The following TSSK4 variants were observed in gnomAD, a reference collection of about 807,000 sequenced individuals.
TSSK4 encodes testis-specific serine/threonine-protein kinase 4.
TSSK4 carries 22 observed loss-of-function variants against 28.5 expected under a neutral mutation model. The ratio of observed to expected loss-of-function variants is 0.77; its 90% CI spans 0.55 to 1.10. The LOEUF (loss-of-function observed/expected upper bound fraction) is 1.10, where lower values mean the gene tolerates loss of function less well. Among genes scored for constraint, TSSK4 ranks in the 50% least tolerant of loss-of-function variants. The probability of loss-of-function intolerance (pLI) is 0.00; values close to 1 mark genes in which losing one functional copy is unlikely to be tolerated. For synonymous variants in TSSK4, 151 were observed against 158.3 expected, an observed-to-expected ratio of 0.95 and a Z score of 0.35; for missense variants, 329 against 415.4, an observed-to-expected ratio of 0.79 and a Z score of 1.81.
rs976398769 is a variant in TSSK4 at position 24,207,297 on chromosome 14, T to TA, written c.623dup (p.Tyr208Ter). Residue 208 changes from tyrosine (Y) to a stop codon, truncating the protein, a stop_gained and frameshift_variant, in exon 3 of 4, where the codon TAC (tyrosine) becomes TAAC (stop). Coordinates refer to ENST00000339917, the MANE Select transcript of TSSK4 (RefSeq NM_001184739.2). LOFTEE classifies it high-confidence loss of function. ...CTGCTTTTCCCACCTCAGCCAGACTTACTGTGGCAGCTTTGCTTACGCTTG... is the reference window on the plus strand; with the variant it reads ...CTGCTTTTCCCACCTCAGCCAGACTTAACTGTGGCAGCTTTGCTTACGCTTG... Reference protein sequence around the residue: ...VNCFSHLSQTYCGSFAYACPE... With the variant: ...VNCFSHLSQT The TA allele has an allele frequency of 1.2e-6, 2 of 1,614,178 alleles. No individual in the cohort carries two copies. The highest frequency in any genetic ancestry group is 1.7e-6 in the Non-Finnish European group (2 of 1,180,018).
Position 24,207,263 on chromosome 14 carries a change from C to A in TSSK4, c.588C>A (p.Arg196=). The change falls in exon 3 of 4, where the codon CGC becomes CGA. Residue 196 remains arginine, a synonymous_variant. Coordinates refer to ENST00000339917, the MANE Select transcript of TSSK4 (RefSeq NM_001184739.2). ...NQPVGCSPSY[R]QVNCFSHLSQ... is the part of the protein sequence containing the mutation. ...CTGTGGGTTGTAGCCCTTCTTACCG[C>A]CAAGTGAACTGCTTTTCCCACCTCA... is the stretch of plus-strand genomic sequence containing the variant. The A allele has an allele frequency of 6.2e-7, 1 of 1,614,158 alleles. No individual in the cohort carries two copies. Among genetic ancestry groups the A allele is most frequent in the Non-Finnish European group, 8.5e-7 (1 of 1,180,004 alleles).
intron 1 of TSSK4, 46 bp from the exon 2 acceptor site, chr14:24,206,463 A>G: frequency 6.2e-7 from 1 of 1,600,266 alleles, no homozygotes; most frequent in Non-Finnish European, 8.6e-7. Context: ...GAGTGCAGTC[A>G]GGGTTCTCCC....
chr14:24,206,351 AC>A (rs1178507955), intron 1 of TSSK4, among the ~76,000 whole-genome samples, 157 bp from the exon 2 acceptor site: 8 of 152,242 alleles, frequency 5.3e-5, no homozygotes. Context: ...AAGTAAAGGC[AC>A]AAAACATAGC....
chr14:24,206,208 C>T (rs1594463786), intron 1 of TSSK4, 60 bp downstream of exon 1: 1 of 1,534,792 alleles, frequency 6.5e-7, no homozygotes, highest in Non-Finnish European at 9.0e-7. Flanking sequence ...TGAGGTTTCT[C>T]AGAAGGGGTA....
chr14:24,207,041 C>T lies in TSSK4; in HGVS notation c.441-75C>T. On this transcript the variant is annotated intron_variant, in intron 2 of 3. Coordinates refer to ENST00000339917, the MANE Select transcript of TSSK4 (RefSeq NM_001184739.2). ...CCCTCATAATGGTTTCTACCTCCCACTTCCTCTGTCCTCATCTTTACCCTC... is the reference window on the plus strand; with the variant it reads ...CCCTCATAATGGTTTCTACCTCCCATTTCCTCTGTCCTCATCTTTACCCTC... The T allele has an allele frequency of 1.9e-6, 3 of 1,585,780 alleles. No individual in the cohort carries two copies. In the South Asian group the frequency reaches 3.3e-5, roughly 18 times the overall value.
At position 24,206,632 on chromosome 14, in the gene TSSK4, T is replaced by G; in HGVS notation, c.349T>G (p.Tyr117Asp). 6.2e-7 allele frequency: 1 copy of G among 1,614,218 alleles called. No individual in the cohort carries two copies. Among genetic ancestry groups the G allele is most frequent in the Non-Finnish European group, 8.5e-7 (1 of 1,180,032 alleles). Residue 117 changes from tyrosine to aspartate, a missense_variant, in exon 2 of 4, where the codon TAC becomes GAC. Coordinates refer to ENST00000339917, the MANE Select transcript of TSSK4 (RefSeq NM_001184739.2). ...TGATGTCCTTGAATGGATCCAGCGC[T>G]ACGGGGCCTGCTCTGAGCCCCTTGC... ...GGDVLEWIQR[Y>D]GACSEPLAGK... is the part of the protein sequence containing the mutation.
Position 24,207,464 on chromosome 14 carries a change from G to T in TSSK4, c.789G>T (p.Lys263Asn). The change falls in exon 3 of 4, where the codon AAG becomes AAT. Residue 263 changes from lysine (K) to asparagine (N), a missense_variant. Physicochemically the swap from Lys to Asn is moderately conservative, Grantham distance 94. Around this residue, in one of 3 missense-constraint regions of TSSK4, gnomAD observed 139 missense variants for 178.1 expected, o/e 0.78. Coordinates refer to ENST00000339917, the MANE Select transcript of TSSK4 (RefSeq NM_001184739.2). ...NLKKLLRETQKEVTFPANHTI... is the reference protein window; with the variant it reads ...NLKKLLRETQNEVTFPANHTI... ...AAAAGCTGCTAAGAGAGACTCAGAA[G>T]GAGGTCACTTTCCCAGCTAACCATA... 2.5e-6 allele frequency: 4 copies of T among 1,613,872 alleles called. No individual in the cohort carries two copies. Among genetic ancestry groups the T allele is most frequent in the Non-Finnish European group, 3.4e-6 (4 of 1,179,874 alleles).
chr14:24,208,187 A>T lies in TSSK4; in HGVS notation c.*41A>T. On this transcript the variant is annotated 3_prime_UTR_variant, in exon 4 of 4. Coordinates refer to ENST00000339917, the MANE Select transcript of TSSK4 (RefSeq NM_001184739.2). ...GGGGCTAAGAGAGGAGCAAAGCAGG[A>T]GGTCTTGGGCTAAAAATCTTTTTTA... is the stretch of plus-strand genomic sequence containing the variant. 1 of 1,539,034 alleles carries T rather than the reference A, an allele frequency of 6.5e-7. No individual in the cohort carries two copies. Among genetic ancestry groups the T allele is most frequent in the Non-Finnish European group, 8.8e-7 (1 of 1,141,802 alleles).
At chr14:24,206,901 A>C in intron 2 of TSSK4, 178 bp downstream of exon 2, 1 of 980,966 alleles carries the variant, frequency 1.0e-6, no homozygotes, top group South Asian at 1.4e-5. Context: ...TATGCAAAGC[A>C]TTTTATGAAA....
chr14:24,206,455 G>A, intron 1 of TSSK4, 54 bp from the exon 2 acceptor site: 1 of 1,580,088 alleles, frequency 6.3e-7, no homozygotes, highest in Non-Finnish European at 8.7e-7. Flanking sequence ...ACGGCTGGGA[G>A]TGCAGTCAGG....
chr14:24,207,648 C>T (rs1227799805), intron 3 of TSSK4, 139 bp downstream of exon 3: 2 of 1,070,226 alleles, frequency 1.9e-6, no homozygotes, highest in African/African-American at 3.2e-5. Context: ...CACACACTAG[C>T]TCCTGTCCTA....
In TSSK4 at chr14:24,208,214, C is replaced by G; in HGVS notation, c.*68C>G. The G allele has an allele frequency of 2.7e-6, 4 of 1,475,878 alleles. No individual in the cohort carries two copies. Among genetic ancestry groups the G allele is most frequent in the Non-Finnish European group, 3.6e-6 (4 of 1,110,256 alleles). 91.4% of individuals were successfully genotyped at this position (1,475,878 alleles called of 1,614,324 possible). On this transcript the variant is annotated 3_prime_UTR_variant, in exon 4 of 4. Coordinates refer to ENST00000339917, the MANE Select transcript of TSSK4 (RefSeq NM_001184739.2). ...GTCTTGGGCTAAAAATCTTTTTTAC[C>G]AAAAATAAATCTAAGTCTGATTTAG...
At chr14:24,206,471 CCCTT>C in intron 1 of TSSK4, 34 bp from the exon 2 acceptor site, 1 of 1,609,518 alleles carries the variant, frequency 6.2e-7, no homozygotes, top group Middle Eastern at 1.7e-4. Flanking sequence ...TCAGGGTTCT[CCCTT>C]CCCAGGTTTG....
chr14:24,205,803 AG>A lies in TSSK4; in HGVS notation c.-119del. On this transcript the variant is annotated 5_prime_UTR_variant, in exon 1 of 4. Transcript: ENST00000339917. ...GCATCCCAGACTCGTGTGACTATATAGGCAAGCATTTGGGGACCTACTTCAC... is the reference window on the plus strand; with the variant it reads ...GCATCCCAGACTCGTGTGACTATATAGCAAGCATTTGGGGACCTACTTCAC... 1.4e-6 allele frequency: 1 copy of A among 700,094 alleles called. No homozygotes were observed. The highest frequency in any genetic ancestry group is 2.3e-5 in the Admixed American group (1 of 43,244). The allele number at this position is 700,094 out of a possible 1,614,324, so 43.4% of individuals were successfully genotyped here.
chr14:24,207,818 G>A, intron 3 of TSSK4, 146 bp from the exon 4 acceptor site: 1 of 1,488,292 alleles, frequency 6.7e-7, no homozygotes, highest in Non-Finnish European at 9.1e-7. Context: ...AACTGCCTGG[G>A]TCTCCAAGAT....
rs757656042 is a variant in TSSK4 at position 24,207,114 on chromosome 14, A to C, written c.441-2A>C. The C allele has an allele frequency of 1.9e-5, 31 of 1,604,762 alleles. No homozygotes were observed. Among genetic ancestry groups the C allele is most frequent in the Non-Finnish European group, 8.5e-7 (1 of 1,179,966 alleles). The stretch of plus-strand genomic sequence containing the variant: ...CAGTCTAAAACTAAGCCCTCTCCCC[A>C]GCCTGATGCCCAGCCTTTCTGCTGC... On this transcript the variant is annotated splice_acceptor_variant, in intron 2 of 3. Transcript: ENST00000339917. LOFTEE classifies it high-confidence loss of function.
At chr14:24,206,486 A>G (rs761637173) in intron 1 of TSSK4, 23 bp from the exon 2 acceptor site, 1 of 1,613,556 alleles carries the variant, frequency 6.2e-7, no homozygotes, top group Non-Finnish European at 8.5e-7. Context: ...CCCAGGTTTG[A>G]TGGGTCCTTC....
At chr14:24,206,387 C>T (rs938273272) in intron 1 of TSSK4, 122 bp from the exon 2 acceptor site, 18 of 1,120,786 alleles carry the variant, frequency 1.6e-5, no homozygotes, top group African/African-American at 1.1e-4. Flanking sequence ...CACCAGTTCT[C>T]TGGGGTTGAG....
In TSSK4 at chr14:24,207,109, T is replaced by C. The variant is rs1198406813; in HGVS notation, c.441-7T>C. The C allele has an allele frequency of 6.2e-7, 1 of 1,603,980 alleles. No individual in the cohort carries two copies. Among genetic ancestry groups the C allele is most frequent in the Admixed American group, 1.7e-5 (1 of 60,008 alleles). The stretch of plus-strand genomic sequence containing the variant: ...GCTCCCAGTCTAAAACTAAGCCCTC[T>C]CCCCAGCCTGATGCCCAGCCTTTCT... On this transcript the variant is annotated splice_polypyrimidine_tract_variant and splice_region_variant and intron_variant, in intron 2 of 3. Transcript: ENST00000339917.
Sources: allele counts gnomAD v4.1 joint callset (sites outside exome capture counted in the v4.1 genomes callset), GRCh38; gene constraint gnomAD v4.1.1; regional missense constraint gnomAD v4.1.1; transcripts MANE v1.5; gene names NCBI Gene and HGNC (gene_info 2026-07-23, HGNC 2026-07-21).